Variants in FRAS1 observed in about 807,000 individuals in gnomAD.
The protein encoded by FRAS1 is Fraser extracellular matrix complex subunit 1, also known as extracellular matrix organizing protein FRAS1.
FRAS1 carries 290 observed loss-of-function variants against 435.2 expected under a neutral mutation model. That is an observed-to-expected ratio of 0.67 (90% CI 0.61 to 0.73). The LOEUF is 0.73. Among genes scored for constraint, FRAS1 ranks in the 30% least tolerant of loss-of-function variants. FRAS1 has a pLI of 0.00. For missense variants in FRAS1, 4,860 were observed against 5,001.5 expected, an observed-to-expected ratio of 0.97 and a Z score of 0.85; for synonymous variants, 1,800 against 1,851.0, an observed-to-expected ratio of 0.97 and a Z score of 0.71.
chr4:78,379,414 C>T lies in FRAS1; in HGVS notation c.3293-312C>T, dbSNP rs202221189. 145 of 302,566 alleles carry T rather than the reference C, an allele frequency of 4.8e-4. No homozygotes were observed. In the Admixed American group the frequency reaches 5.9e-3, roughly 12 times the overall value. 18.7% of individuals were successfully genotyped at this position (302,566 alleles called of 1,614,324 possible). On this transcript the variant is annotated intron_variant, in intron 26 of 73. Coordinates refer to ENST00000512123, the MANE Select transcript of FRAS1 (RefSeq NM_025074.7). ...CAGGCTCCATGTCTTCTATATGGAACGTGTGTCAAAGAACAGGAGCAGTTA... is the reference window on the plus strand; with the variant it reads ...CAGGCTCCATGTCTTCTATATGGAATGTGTGTCAAAGAACAGGAGCAGTTA...
chr4:78,386,061 T>C (rs1242096267), intron 28 of FRAS1, among the ~76,000 whole-genome samples: 1 of 152,164 alleles, frequency 6.6e-6, no homozygotes, highest in Non-Finnish European at 1.5e-5. Flanking sequence ...AGGTAGATAT[T>C]GGCAAGTCTT....
At chr4:78,140,638 T>C (rs1720121324) in intron 2 of FRAS1, among the ~76,000 whole-genome samples, 1 of 151,152 alleles carries the variant, frequency 6.6e-6, no homozygotes, top group African/African-American at 2.5e-5. Flanking sequence ...CGCATATACA[T>C]ATGTGTATAT....
chr4:78,254,936 A>G (rs923730658), intron 5 of FRAS1, among the ~76,000 whole-genome samples: 2 of 152,160 alleles, frequency 1.3e-5, no homozygotes, highest in Admixed American at 1.3e-4. Flanking sequence ...TCCTGGCACC[A>G]GCCCCCACGA....
At chr4:78,280,177 A>G (rs1578225247) in intron 10 of FRAS1, among the ~76,000 whole-genome samples, 1 of 152,324 alleles carries the variant, frequency 6.6e-6, no homozygotes, top group South Asian at 2.1e-4. Context: ...AGTACTTTGC[A>G]GCTTCTCTTT....
rs1244847319 is a variant in FRAS1 at position 78,527,342 on chromosome 4, A to ATTCG, written c.10925+688_10925+689insGTTC. ...TATTCATTCATTCATTCATTCATTCATTCATATTTATTCAGCTCTTCTCAT... is the reference window on the plus strand; with the variant it reads ...TATTCATTCATTCATTCATTCATTCATTCGTTCATATTTATTCAGCTCTTCTCAT... On this transcript the variant is annotated intron_variant, in intron 70 of 73. Transcript: ENST00000512123. 3.0e-3 allele frequency among the ~76,000 whole-genome samples: 454 copies of ATTCG among 152,156 alleles called. 1 individual carries two copies. Among genetic ancestry groups the ATTCG allele is most frequent in the Non-Finnish European group, 5.3e-3 (360 of 67,990 alleles).
chr4:78,452,110 G>A, intron 46 of FRAS1, 65 bp from the exon 47 acceptor site: 3 of 1,533,948 alleles, frequency 2.0e-6, no homozygotes, highest in Non-Finnish European at 2.7e-6. Flanking sequence ...TTGGCACCAG[G>A]CCTAGAATTA....
intron 2 of FRAS1, among the ~76,000 whole-genome samples, chr4:78,109,204 A>T (rs1742559427): frequency 1.3e-5 from 1 of 77,762 alleles, no homozygotes; most frequent in Non-Finnish European, 2.5e-5. Context: ...TTCTGAAACT[A>T]TTCCAATCAA....
chr4:78,388,312 G>C (rs1192661477), intron 29 of FRAS1, among the ~76,000 whole-genome samples: 2 of 143,382 alleles, frequency 1.4e-5, no homozygotes, highest in African/African-American at 5.4e-5. Flanking sequence ...GTGACAGAGA[G>C]AGACTCCGTC....
intron 20 of FRAS1, among the ~76,000 whole-genome samples, chr4:78,340,828 G>C (rs1269223630): frequency 6.6e-6 from 1 of 152,080 alleles, no homozygotes; most frequent in Non-Finnish European, 1.5e-5. Flanking sequence ...GTTTCCCTCC[G>C]CATGTCCTAA....
At chr4:78,168,696 C>G (rs1721435244) in intron 2 of FRAS1, among the ~76,000 whole-genome samples, 1 of 151,956 alleles carries the variant, frequency 6.6e-6, no homozygotes, top group Admixed American at 6.5e-5. Context: ...TCTCCCTCAC[C>G]TGTGATAATT....
chr4:78,285,632 G>C (rs7687027), intron 13 of FRAS1, among the ~76,000 whole-genome samples: 1 of 151,702 alleles, frequency 6.6e-6, no homozygotes, highest in Non-Finnish European at 1.5e-5. Context: ...GGGTTTTGCC[G>C]TGTTGGCCAG....
At chr4:78,467,335 G>T (rs1365640745) in intron 50 of FRAS1, among the ~76,000 whole-genome samples, 1 of 152,082 alleles carries the variant, frequency 6.6e-6, no homozygotes, top group African/African-American at 2.4e-5. Flanking sequence ...ATGTTTGATT[G>T]TGCCTGGCTT....
chr4:78,196,197 T>G (rs2903454), intron 2 of FRAS1, among the ~76,000 whole-genome samples: 1 of 151,950 alleles, frequency 6.6e-6, no homozygotes, highest in Non-Finnish European at 1.5e-5. Context: ...TTAGTAGAGA[T>G]GGGGTTTCAC....
At chr4:78,431,385 A>G (rs1734213647) in intron 37 of FRAS1, among the ~76,000 whole-genome samples, 1 of 152,234 alleles carries the variant, frequency 6.6e-6, no homozygotes, top group South Asian at 2.1e-4. Context: ...GTTAACATAT[A>G]AAATCTAAAG....
intron 2 of FRAS1, among the ~76,000 whole-genome samples, chr4:78,072,665 T>C (rs1740415739): frequency 6.6e-6 from 1 of 152,182 alleles, no homozygotes; most frequent in Non-Finnish European, 1.5e-5. Context: ...TTGTAGGATA[T>C]CACCATTTTA....
At position 78,429,246 on chromosome 4, in the gene FRAS1, T is replaced by A. The variant is rs1006636669; in HGVS notation, c.4843+20T>A. The stretch of plus-strand genomic sequence containing the variant: ...CTGTAGGTAAGAACTGGGAGCCTGA[T>A]AGAAACATGGCTTTGGAAATGGGAT... On this transcript the variant is annotated intron_variant, in intron 36 of 73. Transcript: ENST00000512123. The A allele has an allele frequency of 1.3e-6, 2 of 1,598,748 alleles. No individual in the cohort carries two copies. The highest frequency in any genetic ancestry group is 1.7e-6 in the Non-Finnish European group (2 of 1,171,784).
Position 78,407,660 on chromosome 4 carries a change from T to A in FRAS1, c.4130-3T>A, listed in dbSNP as rs1276951246. The A allele has an allele frequency of 6.2e-7, 1 of 1,610,546 alleles. No individual in the cohort carries two copies. The highest frequency in any genetic ancestry group is 1.1e-5 in the South Asian group (1 of 90,192). ...ACTAACTATGTGGCCTGTGCCTTCCTAGGGGAGGTGGTCCTTCTAGTGAAT... is the reference window on the plus strand; with the variant it reads ...ACTAACTATGTGGCCTGTGCCTTCCAAGGGGAGGTGGTCCTTCTAGTGAAT... On this transcript the variant is annotated splice_polypyrimidine_tract_variant and splice_region_variant and intron_variant, in intron 30 of 73. Transcript: ENST00000512123.
At chr4:78,181,704 G>C in intron 2 of FRAS1, 3 of 1,609,194 alleles carry the variant, frequency 1.9e-6, no homozygotes, top group Non-Finnish European at 2.5e-6. Context: ...TGAAGTTGTT[G>C]ATCAGGTCTT....
intron 9 of FRAS1, among the ~76,000 whole-genome samples, chr4:78,277,000 A>C (rs888715864): frequency 6.6e-6 from 1 of 152,132 alleles, no homozygotes; most frequent in Admixed American, 6.5e-5. Flanking sequence ...TTACCCACTC[A>C]AGCCTCAGCA....
Sources: allele counts gnomAD v4.1 joint callset (sites outside exome capture counted in the v4.1 genomes callset), GRCh38; gene constraint gnomAD v4.1.1; transcripts MANE v1.5; gene names NCBI Gene and HGNC (gene_info 2026-07-23, HGNC 2026-07-21).